FAF1: variants seen among roughly 807,000 people sequenced by gnomAD.
The protein encoded by FAF1 is FAS-associated factor 1.
A neutral mutation model predicts 92.5 loss-of-function variants in FAF1; 25 were observed. That is an observed-to-expected ratio of 0.27 (90% CI 0.20 to 0.38). FAF1 has a LOEUF of 0.38. FAF1 is among the 10% of genes least tolerant of loss of function. FAF1 has a pLI of 1.00. For synonymous variants in FAF1, 234 were observed against 273.2 expected, an observed-to-expected ratio of 0.86 and a Z score of 1.42; for missense variants, 636 against 793.3, an observed-to-expected ratio of 0.80 and a Z score of 2.38.
At chr1:50,957,009 T>C (rs1200737662) in intron 1 of FAF1, among the ~76,000 whole-genome samples, 1 of 152,188 alleles carries the variant, frequency 6.6e-6, no homozygotes, top group Non-Finnish European at 1.5e-5. Context: ...AATAAATGCT[T>C]ACTTTTAAGT....
chr1:50,794,789 ATT>A (rs59806816), intron 3 of FAF1, among the ~76,000 whole-genome samples: 24 of 123,478 alleles, frequency 1.9e-4, no homozygotes, highest in African/African-American at 4.6e-4. Flanking sequence ...TCACCCAGCT[ATT>A]TTTTTTTTTT....
intron 14 of FAF1, among the ~76,000 whole-genome samples, chr1:50,538,068 G>A (rs1401668617): frequency 1.3e-5 from 2 of 151,422 alleles, no homozygotes; most frequent in African/African-American, 4.9e-5. Flanking sequence ...ACTGAGTTAT[G>A]CATTTCTCTG....
At position 50,788,075 on chromosome 1, in the gene FAF1, G is replaced by T; in HGVS notation, c.292C>A (p.Pro98Thr). The T allele has an allele frequency of 1.2e-6, 2 of 1,614,114 alleles. No homozygotes were observed. The highest frequency in any genetic ancestry group is 1.7e-6 in the Non-Finnish European group (2 of 1,180,008). The change falls in exon 4 of 19, where the codon CCT becomes ACT. Residue 98 changes from proline to threonine, a missense_variant. Coordinates refer to ENST00000396153, the MANE Select transcript of FAF1 (RefSeq NM_007051.3). ...MPSRQIVERQ[P>T]RMLDFRVEYR... ...TCAACCCTGAAGTCCAGCATCCGAG[G>T]TTGCCTTTCTACAATCTGCCTGGAT...
At chr1:50,693,990 T>C (rs1465377513) in intron 7 of FAF1, among the ~76,000 whole-genome samples, 1 of 119,552 alleles carries the variant, frequency 8.4e-6, no homozygotes, top group Non-Finnish European at 1.6e-5. Flanking sequence ...TCTATATGTA[T>C]ATGTGTCATT....
rs753656682 is a variant in FAF1, at chr1:50,567,241, G to C, written c.1114-10C>G. Reference sequence around the variant, plus strand: ...TAGCAAGAAGCTTTCTCTGAAAAGAGGAGAAAAATCTGATCAATTAAAATA... The same window carrying C: ...TAGCAAGAAGCTTTCTCTGAAAAGACGAGAAAAATCTGATCAATTAAAATA... On this transcript the variant is annotated splice_polypyrimidine_tract_variant and intron_variant, in intron 12 of 18. Transcript: ENST00000396153. 3 of 1,578,778 alleles carry C rather than the reference G, an allele frequency of 1.9e-6. No individual in the cohort carries two copies. In the African/African-American group the frequency reaches 4.1e-5, roughly 21 times the overall value.
At chr1:50,759,717 G>A (rs1660244309) in intron 4 of FAF1, among the ~76,000 whole-genome samples, 1 of 152,166 alleles carries the variant, frequency 6.6e-6, no homozygotes, top group African/African-American at 2.4e-5. Flanking sequence ...GATCCCTGAG[G>A]AATTGCCACA....
chr1:50,784,271 T>G (rs1353376313), intron 4 of FAF1, among the ~76,000 whole-genome samples: 1 of 152,004 alleles, frequency 6.6e-6, no homozygotes, highest in Non-Finnish European at 1.5e-5. Flanking sequence ...TGATATTATA[T>G]GTAGAAAACA....
intron 2 of FAF1, among the ~76,000 whole-genome samples, chr1:50,832,839 T>C (rs928083540): frequency 6.6e-5 from 10 of 152,204 alleles, no homozygotes; most frequent in African/African-American, 2.2e-4. Flanking sequence ...TCCATTTCTT[T>C]GCATCCTCTT....
At chr1:50,521,847 C>T (rs1028086864) in intron 15 of FAF1, among the ~76,000 whole-genome samples, 2 of 152,208 alleles carry the variant, frequency 1.3e-5, no homozygotes, top group Admixed American at 6.5e-5. Flanking sequence ...ACGAAGAAGT[C>T]TTCACCTCAG....
chr1:50,888,722 T>C (rs1644691742), intron 1 of FAF1, among the ~76,000 whole-genome samples: 1 of 152,200 alleles, frequency 6.6e-6, no homozygotes, highest in African/African-American at 2.4e-5. Flanking sequence ...GCCCACCTGA[T>C]CATGGTGGAT....
rs79360335 is a variant in FAF1 at position 50,943,262 on chromosome 1, G to A, written c.45+16505C>T. ...CTATCAACAAGACTCCAAGCAGCAG[G>A]ATGAGGTCAATTTTCAGAACTGATT... On this transcript the variant is annotated intron_variant, in intron 1 of 18. Coordinates refer to ENST00000396153, the MANE Select transcript of FAF1 (RefSeq NM_007051.3). Among the ~76,000 whole-genome samples, 455 of 152,254 alleles carry A rather than the reference G, an allele frequency of 3.0e-3. 4 individuals carry two copies. Among genetic ancestry groups the A allele is most frequent in the African/African-American group, 0.01 (429 of 41,542 alleles).
At chr1:50,703,416 G>A (rs977967736) in intron 7 of FAF1, among the ~76,000 whole-genome samples, 2 of 151,988 alleles carry the variant, frequency 1.3e-5, no homozygotes, top group African/African-American at 4.8e-5. Context: ...AGTTGAAGCA[G>A]AAAAGTCACA....
At chr1:50,866,266 C>G (rs190086276) in intron 1 of FAF1, among the ~76,000 whole-genome samples, 75 of 152,198 alleles carry the variant, frequency 4.9e-4, no homozygotes, top group Non-Finnish European at 9.7e-4. Context: ...AGCATTCCCC[C>G]TGAGAACTGG....
chr1:50,846,418 G>A (rs942149222), intron 2 of FAF1: 3 of 382,878 alleles, frequency 7.8e-6, no homozygotes, highest in East Asian at 1.7e-4. Context: ...CCGCCCCTTC[G>A]CGTCCTGGGA....
chr1:50,928,663 A>G (rs575437856), intron 1 of FAF1, among the ~76,000 whole-genome samples: 221 of 151,124 alleles, frequency 1.5e-3, no homozygotes, highest in Non-Finnish European at 2.6e-3. Context: ...GGCGCCTGTA[A>G]TCCCAACTAC....
chr1:50,788,721 C>A (rs1269165362), intron 3 of FAF1, among the ~76,000 whole-genome samples: 2 of 152,202 alleles, frequency 1.3e-5, no homozygotes, highest in Admixed American at 6.5e-5. Context: ...TTTCCCTTAT[C>A]TTCTTAACAT....
chr1:50,781,169 C>T (rs374746264), intron 4 of FAF1: 230 of 202,508 alleles, frequency 1.1e-3, no homozygotes, highest in African/African-American at 5.2e-3. Context: ...ACCCTGCCTG[C>T]ACCTCTTTGG....
intron 15 of FAF1, among the ~76,000 whole-genome samples, chr1:50,525,987 T>C (rs1476333844): frequency 6.6e-6 from 1 of 152,196 alleles, no homozygotes; most frequent in Non-Finnish European, 1.5e-5. Flanking sequence ...CCACAAACTT[T>C]AGGAAAATTT....
chr1:50,825,991 G>A (rs1644093630), intron 2 of FAF1, among the ~76,000 whole-genome samples: 1 of 151,962 alleles, frequency 6.6e-6, no homozygotes, highest in Non-Finnish European at 1.5e-5. Flanking sequence ...ATACATGATG[G>A]CAAAACATAC....
Sources: gnomAD v4.1 joint callset for allele counts (sites outside exome capture counted in the v4.1 genomes callset) on GRCh38, gnomAD v4.1.1 for gene constraint, MANE v1.5 for transcripts, NCBI Gene and HGNC (gene_info 2026-07-23, HGNC 2026-07-21) for gene names.